The following KATNA1 variants were observed in gnomAD, a reference collection of about 807,000 sequenced individuals.
KATNA1 encodes the protein katanin p60 ATPase-containing subunit A1.
KATNA1 carries 42 observed loss-of-function variants against 62.6 expected under a neutral mutation model. That is an observed-to-expected ratio of 0.67 (90% CI 0.52 to 0.87). The LOEUF (loss-of-function observed/expected upper bound fraction) is 0.87. Ranked by LOEUF, KATNA1 falls within the 40% of genes least tolerant of loss-of-function variation. The pLI is 0.00. For synonymous variants in KATNA1, 186 were observed against 201.9 expected, an observed-to-expected ratio of 0.92 and a Z score of 0.67; for missense variants, 498 against 612.5, an observed-to-expected ratio of 0.81 and a Z score of 1.97.
chr6:149,635,017 C>T (rs1780016387), intron 2 of KATNA1, among the ~76,000 whole-genome samples: 1 of 150,520 alleles, frequency 6.6e-6, no homozygotes, highest in African/African-American at 2.4e-5. Flanking sequence ...GTAAAATGGC[C>T]CTAGTTTTGA....
rs1172090849 is a variant in KATNA1, at chr6:149,632,832, A to G, written c.247T>C (p.Leu83=). ...LESFKLDSTP[L]KAAQHDLPAS... is the part of the protein sequence containing the mutation. ...GGAAGGTCATGCTGTGCCGCTTTCAAGGGAGTGCTGTCCAGTTTAAAGCTC... is the reference window on the plus strand; with the variant it reads ...GGAAGGTCATGCTGTGCCGCTTTCAGGGGAGTGCTGTCCAGTTTAAAGCTC... Residue 83 remains leucine (L), a synonymous_variant, in exon 3 of 11, where the codon TTG becomes CTG. Transcript: ENST00000367411. The G allele has an allele frequency of 6.2e-7, 1 of 1,613,844 alleles. No homozygotes were observed. Among genetic ancestry groups the G allele is most frequent in the Middle Eastern group, 1.7e-4 (1 of 6,058 alleles).
At chr6:149,638,614 T>A in intron 1 of KATNA1, 54 bp from the exon 2 acceptor site, 1 of 1,248,578 alleles carries the variant, frequency 8.0e-7, no homozygotes, top group Non-Finnish European at 1.1e-6. Context: ...CTCTTAAAAA[T>A]AAGTATAGTT....
intron 7 of KATNA1, among the ~76,000 whole-genome samples, chr6:149,600,444 T>C (rs1398905249): frequency 6.6e-6 from 1 of 151,500 alleles, no homozygotes; most frequent in Non-Finnish European, 1.5e-5. Context: ...ACCAGCCTGG[T>C]CAACATGGCA....
rs1780360026 is a variant in KATNA1, at chr6:149,643,322, A to G, written c.-13-4762T>C. Among the ~76,000 whole-genome samples, 3 of 152,210 alleles carry G rather than the reference A, an allele frequency of 2.0e-5. No homozygotes were observed. In the South Asian group the frequency reaches 6.2e-4, roughly 32 times the overall value. On this transcript the variant is annotated intron_variant, in intron 1 of 10. Coordinates refer to ENST00000367411, the MANE Select transcript of KATNA1 (RefSeq NM_007044.4). ...CTGAGAAACACCCTGAATCTAAGGC[A>G]TCCAGCTAAGTCATGCCCAAATTCC... is the stretch of plus-strand genomic sequence containing the variant.
chr6:149,618,629 A>G lies in KATNA1; in HGVS notation c.501+4474T>C, dbSNP rs147319578. On this transcript the variant is annotated intron_variant, in intron 4 of 10. Coordinates refer to ENST00000367411, the MANE Select transcript of KATNA1 (RefSeq NM_007044.4). Reference sequence around the variant, plus strand: ...AAAACAGCATGGTACTGGCATAAAAACAGACATACAGACCAATGGAACAGA... The same window carrying G: ...AAAACAGCATGGTACTGGCATAAAAGCAGACATACAGACCAATGGAACAGA... Among the ~76,000 whole-genome samples, 552 of 152,340 alleles carry G rather than the reference A, an allele frequency of 3.6e-3. 3 individuals are homozygous for G. The highest frequency in any genetic ancestry group is 0.013 in the African/African-American group (525 of 41,586).
In KATNA1 at chr6:149,594,914, G is replaced by A. The variant is rs1778237185; in HGVS notation, c.*122C>T. On this transcript the variant is annotated 3_prime_UTR_variant, in exon 11 of 11. Coordinates refer to ENST00000367411, the MANE Select transcript of KATNA1 (RefSeq NM_007044.4). ...ATTGCCTTTATTCAGAATCATAAGG[G>A]TTTTTTTAAAAAAATCTTACCATTA... The A allele has an allele frequency of 1.4e-6, 1 of 736,568 alleles. No individual in the cohort carries two copies. The highest frequency in any genetic ancestry group is 2.9e-5 in the East Asian group (1 of 35,012). The allele number at this position is 736,568 out of a possible 1,614,324, so 45.6% of individuals were successfully genotyped here.
intron 4 of KATNA1, among the ~76,000 whole-genome samples, chr6:149,613,967 C>G (rs1755935150): frequency 6.6e-6 from 1 of 152,170 alleles, no homozygotes; most frequent in Non-Finnish European, 1.5e-5. Flanking sequence ...AAGTGTTCCT[C>G]TACTCCAGAG....
intron 3 of KATNA1, among the ~76,000 whole-genome samples, chr6:149,627,527 CAAAA>C (rs796916643): frequency 2.9e-5 from 2 of 69,576 alleles, no homozygotes; most frequent in Non-Finnish European, 3.0e-5. Flanking sequence ...GACTCCATCT[CAAAA>C]AAAAAAAAAA....
intron 3 of KATNA1, among the ~76,000 whole-genome samples, chr6:149,625,523 A>G (rs1381328843): frequency 6.6e-6 from 1 of 152,094 alleles, no homozygotes; most frequent in Non-Finnish European, 1.5e-5. Flanking sequence ...CCAGCTACTC[A>G]GGAGGCTGAG....
chr6:149,642,652 T>C (rs1320001931), intron 1 of KATNA1, among the ~76,000 whole-genome samples: 2 of 152,036 alleles, frequency 1.3e-5, no homozygotes, highest in South Asian at 2.1e-4. Flanking sequence ...AAATACAGGG[T>C]TGGCTAAAAA....
chr6:149,648,678 G>A lies in KATNA1; in HGVS notation c.-223C>T, dbSNP rs1014938232. ...GAGAATTTGAAGACAAACCCGCCAG[G>A]GTCACTTCCGGTGCCGGGGACGACC... On this transcript the variant is annotated 5_prime_UTR_variant, in exon 1 of 11. Coordinates refer to ENST00000367411, the MANE Select transcript of KATNA1 (RefSeq NM_007044.4). 3.3e-5 allele frequency: 5 copies of A among 152,268 alleles called. No homozygotes were observed. The highest frequency in any genetic ancestry group is 9.7e-5 in the African/African-American group (4 of 41,442). The allele number at this position is 152,268 out of a possible 1,614,324, so 9.4% of individuals were successfully genotyped here.
At chr6:149,619,970 T>C (rs1045277439) in intron 4 of KATNA1, among the ~76,000 whole-genome samples, 1 of 152,154 alleles carries the variant, frequency 6.6e-6, no homozygotes, top group South Asian at 2.1e-4. Flanking sequence ...TATACATACA[T>C]ACATACATAC....
At chr6:149,646,609 T>A (rs1352673236) in intron 1 of KATNA1, among the ~76,000 whole-genome samples, 1 of 152,170 alleles carries the variant, frequency 6.6e-6, no homozygotes, top group African/African-American at 2.4e-5. Flanking sequence ...TTTATAACCA[T>A]CATATGATAA....
At chr6:149,599,552 T>C (rs1023575397) in intron 7 of KATNA1, among the ~76,000 whole-genome samples, 1 of 149,816 alleles carries the variant, frequency 6.7e-6, no homozygotes, top group African/African-American at 2.4e-5. Context: ...ATCATCCCTT[T>C]CTTTCTTTCC....
chr6:149,614,256 G>A (rs944318685), intron 4 of KATNA1, among the ~76,000 whole-genome samples: 5 of 152,148 alleles, frequency 3.3e-5, no homozygotes, highest in Non-Finnish European at 7.3e-5. Flanking sequence ...TTTGATTGCC[G>A]AATGCAGCTT....
At chr6:149,621,077 A>G (rs1779373699) in intron 4 of KATNA1, among the ~76,000 whole-genome samples, 1 of 151,760 alleles carries the variant, frequency 6.6e-6, no homozygotes, top group African/African-American at 2.4e-5. Context: ...TAACCAAGCG[A>G]TCCAACTTAT....
chr6:149,617,497 T>C (rs1487897362), intron 4 of KATNA1, among the ~76,000 whole-genome samples: 1 of 152,184 alleles, frequency 6.6e-6, no homozygotes, highest in African/African-American at 2.4e-5. Context: ...ATATATGACA[T>C]GTGCTAAAAA....
Position 149,594,977 on chromosome 6 carries a change from T to G in KATNA1, c.*59A>C. 7.5e-7 allele frequency: 1 copy of G among 1,327,134 alleles called. No individual in the cohort carries two copies. The highest frequency in any genetic ancestry group is 1.8e-5 in the Admixed American group (1 of 56,566). The allele number at this position is 1,327,134 out of a possible 1,614,324, so 82.2% of individuals were successfully genotyped here. ...AAAATATAGCACTCAGTACAATGAA[T>G]TACTGCATTTAATATTCAAACACTT... is the stretch of plus-strand genomic sequence containing the variant. On this transcript the variant is annotated 3_prime_UTR_variant, in exon 11 of 11. Coordinates refer to ENST00000367411, the MANE Select transcript of KATNA1 (RefSeq NM_007044.4).
intron 3 of KATNA1, among the ~76,000 whole-genome samples, chr6:149,627,175 T>C (rs931492079): frequency 6.6e-6 from 1 of 151,016 alleles, no homozygotes; most frequent in Non-Finnish European, 1.5e-5. Flanking sequence ...GGTGGATCAT[T>C]TGAGGTCAGG....
Sources: allele counts gnomAD v4.1 joint callset (sites outside exome capture counted in the v4.1 genomes callset), GRCh38; gene constraint gnomAD v4.1.1; transcripts MANE v1.5; gene names NCBI Gene and HGNC (gene_info 2026-07-23, HGNC 2026-07-21).